UBR3: variants seen among roughly 807,000 people sequenced by gnomAD.
UBR3 encodes the protein ubiquitin protein ligase E3 component n-recognin 3.
In UBR3, 85 loss-of-function variants were observed where a neutral mutation model predicts 243.2. The observed-to-expected ratio is 0.35, with a 90% CI of 0.29 to 0.42. UBR3 has a LOEUF of 0.42. UBR3 is among the 10% of genes least tolerant of loss of function. The pLI is 1.00. For synonymous variants in UBR3, 748 were observed against 799.8 expected (o/e 0.94, Z 1.09); for missense variants, 1,686 against 2,300.8 (o/e 0.73, Z 5.47).
In UBR3 at chr2:170,073,639, G is replaced by A. The variant is rs185895186; in HGVS notation, c.5199+32G>A. 8.1e-6 allele frequency: 13 copies of A among 1,596,320 alleles called. No homozygotes were observed. The Middle Eastern group carries it at 5.0e-4, about 62-fold the overall frequency. On this transcript the variant is annotated intron_variant, in intron 36 of 38. Transcript: ENST00000272793. ...TAAAAGAGTTGTACTAGCTTGTCAC[G>A]GTGGTGATATGCTAATAGGTAAGAG...
intron 35 of UBR3, among the ~76,000 whole-genome samples, chr2:170,062,609 A>G (rs1177966371): frequency 6.6e-6 from 1 of 152,224 alleles, no homozygotes; most frequent in Non-Finnish European, 1.5e-5. Flanking sequence ...TCTTTCTGGC[A>G]TATGGGCATC....
chr2:170,061,360 T>C lies in UBR3; in HGVS notation c.4936T>C (p.Leu1646=), dbSNP rs754111686. 2 of 1,614,192 alleles carry C rather than the reference T, an allele frequency of 1.2e-6. No homozygotes were observed. The highest frequency in any genetic ancestry group is 2.2e-5 in the South Asian group (2 of 91,080). Residue 1646 remains leucine (L), a synonymous_variant, in exon 35 of 39, where the codon TTA becomes CTA. Transcript: ENST00000272793. ...GTCTCCTGAATCCATGGAAAAATGCTTACAGGACTTCTGCTTACCTTTTCT... is the reference window on the plus strand; with the variant it reads ...GTCTCCTGAATCCATGGAAAAATGCCTACAGGACTTCTGCTTACCTTTTCT... ...AWSPESMEKC[L]QDFCLPFLRI...
intron 32 of UBR3, among the ~76,000 whole-genome samples, chr2:170,044,214 T>C (rs1574442304): frequency 3.3e-5 from 5 of 152,342 alleles, no homozygotes; most frequent in South Asian, 2.1e-4. Flanking sequence ...TATGTATTTG[T>C]GTAACTGTTT....
chr2:169,905,378 ACAT>A, intron 9 of UBR3, 85 bp downstream of exon 9: 1 of 1,007,206 alleles, frequency 9.9e-7, no homozygotes, highest in Non-Finnish European at 1.4e-6. Flanking sequence ...ATACAATAGC[ACAT>A]CATTCACGCT....
At chr2:170,017,142 T>C (rs2090259584) in intron 30 of UBR3, among the ~76,000 whole-genome samples, 1 of 151,866 alleles carries the variant, frequency 6.6e-6, no homozygotes, top group Non-Finnish European at 1.5e-5. Context: ...TGATGATTCA[T>C]GGGATCTCAC....
chr2:170,054,136 A>T (rs2091281407), intron 32 of UBR3, among the ~76,000 whole-genome samples: 1 of 151,978 alleles, frequency 6.6e-6, no homozygotes, highest in Non-Finnish European at 1.5e-5. Context: ...TTTTATTTTT[A>T]TCTTTATTTG....
intron 23 of UBR3, among the ~76,000 whole-genome samples, chr2:169,950,734 A>G (rs1050508290): frequency 6.6e-6 from 1 of 152,016 alleles, no homozygotes; most frequent in Non-Finnish European, 1.5e-5. Context: ...ATTGTTTGCC[A>G]GAAGAGTTGT....
At chr2:169,918,419 GTTC>G (rs1360975956) in intron 11 of UBR3, among the ~76,000 whole-genome samples, 1 of 150,172 alleles carries the variant, frequency 6.7e-6, no homozygotes. Flanking sequence ...ATAAACATTA[GTTC>G]TTCTTCCATC....
intron 27 of UBR3, 115 bp from the exon 28 acceptor site, chr2:170,006,875 A>G (rs1255256572): frequency 1.2e-6 from 1 of 831,630 alleles, no homozygotes; most frequent in Non-Finnish European, 1.9e-6. Context: ...TTTATGACAT[A>G]TATTAGAGAT....
intron 25 of UBR3, among the ~76,000 whole-genome samples, chr2:169,987,159 TG>T (rs1445531985): frequency 2.6e-5 from 4 of 151,804 alleles, no homozygotes; most frequent in Admixed American, 1.3e-4. Context: ...GAGGCTGAGG[TG>T]GGCAGATCAC....
intron 19 of UBR3, among the ~76,000 whole-genome samples, chr2:169,934,554 C>A (rs2086254190): frequency 6.6e-6 from 1 of 152,130 alleles, no homozygotes; most frequent in African/African-American, 2.4e-5. Context: ...TGCTATTGAT[C>A]ATTTTCATCT....
At chr2:169,989,563 C>T (rs2089182864) in intron 25 of UBR3, among the ~76,000 whole-genome samples, 1 of 152,056 alleles carries the variant, frequency 6.6e-6, no homozygotes, top group Admixed American at 6.6e-5. Flanking sequence ...AAATCTCTTT[C>T]ATGTTTTTTG....
intron 1 of UBR3, among the ~76,000 whole-genome samples, chr2:169,848,470 G>A (rs959426175): frequency 1.3e-5 from 2 of 150,922 alleles, no homozygotes; most frequent in African/African-American, 2.4e-5. Flanking sequence ...CATATTTACA[G>A]TACAATATTA....
At chr2:169,850,749 C>T (rs971888837) in intron 1 of UBR3, among the ~76,000 whole-genome samples, 4 of 151,564 alleles carry the variant, frequency 2.6e-5, no homozygotes, top group Non-Finnish European at 5.9e-5. Context: ...GAGGCTGAGG[C>T]AGGAGAATGG....
chr2:169,927,172 T>A (rs2085940775), intron 16 of UBR3, 148 bp from the exon 17 acceptor site: 1 of 936,620 alleles, frequency 1.1e-6, no homozygotes, highest in Non-Finnish European at 1.6e-6. Flanking sequence ...GCAGTTAAAC[T>A]GCAGTTATGT....
In UBR3 at chr2:169,827,573, G is replaced by A. The variant is rs1198599397; in HGVS notation, c.66G>A (p.Pro22=). 24 of 1,235,072 alleles carry A rather than the reference G, an allele frequency of 1.9e-5. No individual in the cohort carries two copies. The East Asian group carries it at 7.7e-4, about 40-fold the overall frequency. 76.5% of individuals were successfully genotyped at this position (1,235,072 alleles called of 1,614,324 possible). A position where few individuals can be genotyped will look rare whatever the true frequency, so the allele number is the denominator to read the frequency against. ...CGTCACAGCCCGAGCTGCCCGCGCC[G>A]GGGCTGGCCCTAGACAAGGCGGCCA... The part of the protein sequence containing the change: ...QQPSQPELPA[P]GLALDKAATA... The change falls in exon 1 of 39, where the codon CCG becomes CCA. Residue 22 remains proline (P), a synonymous_variant. Transcript: ENST00000272793.
chr2:169,967,068 C>G (rs1256317002), intron 24 of UBR3, among the ~76,000 whole-genome samples: 2 of 152,118 alleles, frequency 1.3e-5, no homozygotes, highest in Admixed American at 6.5e-5. Context: ...CTTGACACAT[C>G]CATGAGATAG....
chr2:169,994,469 T>C lies in UBR3; in HGVS notation c.3918+13T>C. On this transcript the variant is annotated intron_variant, in intron 26 of 38. Transcript: ENST00000272793. ...TTATTTTAAGGATGTAAGTACTCTT[T>C]ATAAAATAGTACTTTTGTCTGCCAA... 1 of 1,602,550 alleles carries C rather than the reference T, an allele frequency of 6.2e-7. No individual in the cohort carries two copies. The highest frequency in any genetic ancestry group is 1.1e-5 in the South Asian group (1 of 89,382).
intron 24 of UBR3, among the ~76,000 whole-genome samples, chr2:169,961,965 T>G (rs2087595616): frequency 6.6e-6 from 1 of 151,808 alleles, no homozygotes; most frequent in African/African-American, 2.4e-5. Context: ...CTGTGTAGTC[T>G]TCTACATAGA....
Sources: allele counts gnomAD v4.1 joint callset (sites outside exome capture counted in the v4.1 genomes callset), GRCh38; gene constraint gnomAD v4.1.1; transcripts MANE v1.5; gene names NCBI Gene and HGNC (gene_info 2026-07-23, HGNC 2026-07-21).